XRCC4: variants seen among roughly 807,000 people sequenced by gnomAD.
The protein encoded by XRCC4 is DNA repair protein XRCC4.
A neutral mutation model predicts 39.1 loss-of-function variants in XRCC4; 28 were observed. The observed-to-expected ratio is 0.72, with a 90% CI of 0.53 to 0.98. The LOEUF (loss-of-function observed/expected upper bound fraction) is 0.98. Ranked by LOEUF, XRCC4 falls within the 50% of genes least tolerant of loss-of-function variation. The pLI is 0.00. For missense variants in XRCC4, 350 were observed against 376.4 expected (o/e 0.93, Z 0.58); for synonymous variants, 123 against 126.4 (o/e 0.97, Z 0.18).
intron 3 of XRCC4, among the ~76,000 whole-genome samples, chr5:83,183,478 T>C (rs1438880754): frequency 6.7e-6 from 1 of 148,648 alleles, no homozygotes; most frequent in Admixed American, 6.8e-5. Context: ...GTAAGTGTGG[T>C]TTCTACCTAA....
At chr5:83,205,042 C>G (rs865832268) in intron 6 of XRCC4, 121 bp downstream of exon 6, 1 of 665,814 alleles carries the variant, frequency 1.5e-6, no homozygotes, top group Non-Finnish European at 2.4e-6. Flanking sequence ...AATTCTTTAG[C>G]ATTTTTATTT....
At chr5:83,221,466 T>C (rs1752080569) in intron 6 of XRCC4, among the ~76,000 whole-genome samples, 1 of 152,142 alleles carries the variant, frequency 6.6e-6, no homozygotes, top group African/African-American at 2.4e-5. Context: ...TAAAGTTCTT[T>C]ATGTTTTTTG....
intron 1 of XRCC4, among the ~76,000 whole-genome samples, chr5:83,101,487 A>T (rs1745933493): frequency 6.6e-6 from 1 of 152,084 alleles, no homozygotes; most frequent in African/African-American, 2.4e-5. Flanking sequence ...GTTACAAATA[A>T]GAGTAGGATC....
intron 7 of XRCC4, among the ~76,000 whole-genome samples, chr5:83,303,766 C>T (rs930171625): frequency 6.6e-6 from 1 of 152,090 alleles, no homozygotes; most frequent in African/African-American, 2.4e-5. Context: ...ATGGAATAAA[C>T]TGAGGAAGAA....
At chr5:83,309,711 C>T (rs1037394173) in intron 7 of XRCC4, among the ~76,000 whole-genome samples, 2 of 129,840 alleles carry the variant, frequency 1.5e-5, no homozygotes, top group African/African-American at 2.9e-5. Context: ...TTGCAGTGAT[C>T]GCGCCACTGC....
chr5:83,221,233 C>A (rs1338692937), intron 6 of XRCC4, among the ~76,000 whole-genome samples: 2 of 152,158 alleles, frequency 1.3e-5, no homozygotes, highest in Non-Finnish European at 2.9e-5. Flanking sequence ...ACAACTGCTA[C>A]AGACTCATTA....
At chr5:83,217,386 A>T (rs1751907708) in intron 6 of XRCC4, among the ~76,000 whole-genome samples, 1 of 150,278 alleles carries the variant, frequency 6.7e-6, no homozygotes, top group Admixed American at 6.6e-5. Flanking sequence ...AACCATTGCG[A>T]TAATTTGAGC....
intron 3 of XRCC4, among the ~76,000 whole-genome samples, chr5:83,121,803 A>G (rs1038288421): frequency 1.3e-5 from 2 of 152,058 alleles, no homozygotes; most frequent in Non-Finnish European, 2.9e-5. Flanking sequence ...GCTTTCATGC[A>G]TGAGCGCTAT....
intron 6 of XRCC4, among the ~76,000 whole-genome samples, chr5:83,254,944 G>T (rs952051203): frequency 5.9e-5 from 9 of 151,850 alleles, no homozygotes; most frequent in African/African-American, 2.2e-4. Context: ...AAAATTAGCC[G>T]GGCATGGTGG....
At chr5:83,263,159 A>G (rs1485871005) in intron 7 of XRCC4, among the ~76,000 whole-genome samples, 19 of 149,548 alleles carry the variant, frequency 1.3e-4, no homozygotes, top group Non-Finnish European at 2.4e-4. Context: ...CCATGTCCCT[A>G]CAAAGGACAT....
At chr5:83,187,092 C>G (rs1178079859) in intron 3 of XRCC4, among the ~76,000 whole-genome samples, 1 of 107,124 alleles carries the variant, frequency 9.3e-6, no homozygotes, top group Admixed American at 8.2e-5. Context: ...CACAGGCGCC[C>G]GCCACCACGC....
rs188659809 is a variant in XRCC4, at chr5:83,087,966, A to G, written c.-11+10351A>G. On this transcript the variant is annotated intron_variant, in intron 1 of 7. Transcript: ENST00000396027. Reference sequence around the variant, plus strand: ...ATTGAATTTAATAATATACATTTCAATTGTTAAGGAAAAATAATTTTCAAG... The same window carrying G: ...ATTGAATTTAATAATATACATTTCAGTTGTTAAGGAAAAATAATTTTCAAG... Among the ~76,000 whole-genome samples the G allele has an allele frequency of 4.9e-3, 742 of 152,242 alleles. 8 individuals are homozygous for G. The highest frequency in any genetic ancestry group is 0.017 in the African/African-American group (710 of 41,528).
chr5:83,117,139 G>A (rs780482859), intron 3 of XRCC4, among the ~76,000 whole-genome samples: 5 of 152,022 alleles, frequency 3.3e-5, no homozygotes, highest in Admixed American at 6.6e-5. Flanking sequence ...AATGTTGGGC[G>A]AACAGCTACA....
In XRCC4 at chr5:83,321,748, C is replaced by G. The variant is rs28360311; in HGVS notation, c.894-31383C>G. The stretch of plus-strand genomic sequence containing the variant: ...CAACATTAACTGGAATTGTGGAATA[C>G]AGATAAGATCATAATTGCAAAGATG... On this transcript the variant is annotated intron_variant, in intron 7 of 7. Coordinates refer to ENST00000396027, the MANE Select transcript of XRCC4 (RefSeq NM_003401.5). Among the ~76,000 whole-genome samples the G allele has an allele frequency of 3.9e-4, 60 of 152,036 alleles. No homozygotes were observed. The East Asian group carries it at 9.5e-3, about 24-fold the overall frequency.
At chr5:83,141,638 T>TC (rs1457340832) in intron 3 of XRCC4, among the ~76,000 whole-genome samples, 4 of 112,128 alleles carry the variant, frequency 3.6e-5, no homozygotes, top group African/African-American at 1.7e-4. Context: ...GTCTTTTTCC[T>TC]CTTTTTTTTC....
intron 6 of XRCC4, among the ~76,000 whole-genome samples, chr5:83,216,062 T>G (rs1411128858): frequency 6.6e-6 from 1 of 152,182 alleles, no homozygotes; most frequent in Admixed American, 6.5e-5. Context: ...GCAAATCACA[T>G]ATCTGATAAG....
At chr5:83,239,452 G>A (rs1198691469) in intron 6 of XRCC4, among the ~76,000 whole-genome samples, 1 of 152,224 alleles carries the variant, frequency 6.6e-6, no homozygotes, top group Non-Finnish European at 1.5e-5. Flanking sequence ...ATATTAAGGA[G>A]TGAGCAAGAG....
At chr5:83,119,086 A>G (rs1191257704) in intron 3 of XRCC4, among the ~76,000 whole-genome samples, 1 of 152,198 alleles carries the variant, frequency 6.6e-6, no homozygotes, top group African/African-American at 2.4e-5. Flanking sequence ...AGGTAAAACC[A>G]GTTTGCCAAA....
intron 3 of XRCC4, among the ~76,000 whole-genome samples, chr5:83,116,694 T>C (rs1183803187): frequency 7.3e-6 from 1 of 136,190 alleles, no homozygotes; most frequent in Non-Finnish European, 1.5e-5. Flanking sequence ...CAATCTCAGC[T>C]CACTGCAACC....
Sources: gnomAD v4.1 joint callset for allele counts (sites outside exome capture counted in the v4.1 genomes callset) on GRCh38, gnomAD v4.1.1 for gene constraint, MANE v1.5 for transcripts, NCBI Gene and HGNC (gene_info 2026-07-23, HGNC 2026-07-21) for gene names.